PPP6R3: variants seen among roughly 807,000 people sequenced by gnomAD.
PPP6R3 encodes serine/threonine-protein phosphatase 6 regulatory subunit 3.
In PPP6R3, 38 loss-of-function variants were observed where a neutral mutation model predicts 110.7. That is an observed-to-expected ratio of 0.34 (90% CI 0.26 to 0.45). PPP6R3 has a LOEUF of 0.45. Ranked by LOEUF, PPP6R3 falls within the 20% of genes least tolerant of loss-of-function variation. The pLI is 1.00. For missense variants in PPP6R3, 870 were observed against 1,062.4 expected (o/e 0.82, Z 2.52); for synonymous variants, 369 against 373.5 (o/e 0.99, Z 0.14).
chr11:68,486,406 C>G (rs1046068757), intron 1 of PPP6R3, among the ~76,000 whole-genome samples: 1 of 151,922 alleles, frequency 6.6e-6, no homozygotes, highest in African/African-American at 2.4e-5. Flanking sequence ...GAGATCAAGA[C>G]CATCCTGGCT....
intron 1 of PPP6R3, among the ~76,000 whole-genome samples, chr11:68,517,938 C>CA (rs34246025): frequency 0.31 from 39,485 of 127,888 alleles, 5,568 homozygotes; most frequent in Middle Eastern, 0.37. Flanking sequence ...ACCCTGTCTT[C>CA]AAAAAAAAAA....
chr11:68,529,224 G>T (rs1024162968), intron 2 of PPP6R3, among the ~76,000 whole-genome samples: 21 of 152,170 alleles, frequency 1.4e-4, no homozygotes, highest in Non-Finnish European at 2.4e-4. Context: ...GGGTGTGTGT[G>T]TGTGTGTTTT....
At chr11:68,493,295 A>G (rs1371428969) in intron 1 of PPP6R3, among the ~76,000 whole-genome samples, 2 of 152,164 alleles carry the variant, frequency 1.3e-5, no homozygotes, top group Non-Finnish European at 2.9e-5. Context: ...TGTAATGTTT[A>G]TATTACAGTA....
rs141424815 is a variant in PPP6R3 at position 68,498,993 on chromosome 11, G to T, written c.-157-20508G>T. On this transcript the variant is annotated intron_variant, in intron 1 of 23. Coordinates refer to ENST00000393800, the MANE Select transcript of PPP6R3 (RefSeq NM_001164161.2). Reference sequence around the variant, plus strand: ...TCATCCTTTTCATTTTAGCCATGCTGGTAGCTGTGTAGAGATGTCTTACTT... The same window carrying T: ...TCATCCTTTTCATTTTAGCCATGCTTGTAGCTGTGTAGAGATGTCTTACTT... Among the ~76,000 whole-genome samples the T allele has an allele frequency of 3.9e-4, 60 of 152,270 alleles. 1 individual carries two copies. The East Asian group carries it at 0.011, about 27-fold the overall frequency.
At chr11:68,594,265 G>A (rs972585258) in intron 18 of PPP6R3, among the ~76,000 whole-genome samples, 2 of 136,954 alleles carry the variant, frequency 1.5e-5, no homozygotes, top group Admixed American at 7.3e-5. Context: ...TAAAAAAGGG[G>A]GAGAGAGAGA....
intron 7 of PPP6R3, among the ~76,000 whole-genome samples, chr11:68,556,067 A>G (rs1478902269): frequency 1.3e-5 from 2 of 152,230 alleles, no homozygotes; most frequent in Non-Finnish European, 2.9e-5. Context: ...CTATTTGATA[A>G]ATCATAGTTA....
chr11:68,550,483 T>G (rs1329698103), intron 5 of PPP6R3, among the ~76,000 whole-genome samples: 1 of 152,206 alleles, frequency 6.6e-6, no homozygotes, highest in Non-Finnish European at 1.5e-5. Flanking sequence ...ATTTTTCCTT[T>G]ATTTTTTCTG....
intron 3 of PPP6R3, among the ~76,000 whole-genome samples, chr11:68,543,393 T>C (rs900389164): frequency 7.2e-6 from 1 of 138,136 alleles, no homozygotes; most frequent in Admixed American, 7.7e-5. Context: ...CCCATACATC[T>C]GCCAGGTCTG....
At chr11:68,612,941 A>AAACTT (rs1401188041) in intron 23 of PPP6R3, 125 bp from the exon 24 acceptor site, 10 of 1,500,170 alleles carry the variant, frequency 6.7e-6, no homozygotes, top group African/African-American at 5.7e-5. Context: ...ATTTTATTAA[A>AAACTT]AACTTACTAA....
chr11:68,600,458 G>T lies in PPP6R3; in HGVS notation c.2156G>T (p.Gly719Val). 1 of 1,614,094 alleles carries T rather than the reference G, an allele frequency of 6.2e-7. No individual in the cohort carries two copies. The highest frequency in any genetic ancestry group is 8.5e-7 in the Non-Finnish European group (1 of 1,180,010). ...GAGCCGATGCCAACTAAAGAGACGG[G>T]CTGGGCTTCTTTTTCAGAGTTCACG... Reference protein sequence around the residue: ...TEEPMPTKETGWASFSEFTSS... With the variant: ...TEEPMPTKETVWASFSEFTSS... Residue 719 changes from glycine to valine, a missense_variant, in exon 20 of 24, where the codon GGC (glycine) becomes GTC (valine). By Grantham distance (109) the Gly-to-Val change is moderately radical. Transcript: ENST00000393800.
intron 23 of PPP6R3, among the ~76,000 whole-genome samples, chr11:68,611,509 T>C (rs1943378018): frequency 6.6e-6 from 1 of 152,130 alleles, no homozygotes; most frequent in Non-Finnish European, 1.5e-5. Context: ...GAGGAAAAGA[T>C]GGGGTCAGCC....
intron 14 of PPP6R3, among the ~76,000 whole-genome samples, chr11:68,579,375 C>A (rs769581324): frequency 1.3e-5 from 2 of 152,124 alleles, no homozygotes; most frequent in African/African-American, 4.8e-5. Flanking sequence ...GTTAACAAAA[C>A]GAAAATTTTA....
chr11:68,569,960 CTG>C (rs1210894623), intron 11 of PPP6R3, 63 bp downstream of exon 11: 1 of 1,469,036 alleles, frequency 6.8e-7, no homozygotes, highest in African/African-American at 1.4e-5. Flanking sequence ...TTCCACTTGA[CTG>C]TGATGTGAAT....
chr11:68,506,774 ATAACCATT>A (rs2099080664), intron 1 of PPP6R3, among the ~76,000 whole-genome samples: 2 of 152,214 alleles, frequency 1.3e-5, no homozygotes, highest in African/African-American at 4.8e-5. Context: ...ATCTCAGATA[ATAACCATT>A]TGATTGCCAA....
At chr11:68,490,261 C>G (rs933235498) in intron 1 of PPP6R3, among the ~76,000 whole-genome samples, 1 of 152,166 alleles carries the variant, frequency 6.6e-6, no homozygotes, top group African/African-American at 2.4e-5. Flanking sequence ...TCATTCTACT[C>G]TTTCCTGCTT....
At chr11:68,561,548 T>C (rs775720973) in intron 8 of PPP6R3, among the ~76,000 whole-genome samples, 44 of 152,224 alleles carry the variant, frequency 2.9e-4, no homozygotes, top group Non-Finnish European at 6.0e-4. Flanking sequence ...CAGTATATTG[T>C]AAGGATAATA....
At chr11:68,535,428 A>T (rs991487360) in intron 2 of PPP6R3, 2 of 152,164 alleles carry the variant, frequency 1.3e-5, no homozygotes, top group African/African-American at 4.8e-5. Flanking sequence ...TGTGCTGAAC[A>T]TCAGTCCTCC....
chr11:68,585,155 G>A (rs531768031), intron 15 of PPP6R3, among the ~76,000 whole-genome samples: 1 of 152,296 alleles, frequency 6.6e-6, no homozygotes, highest in South Asian at 2.1e-4. Flanking sequence ...CTGCCCATTT[G>A]CTTCTCCCTT....
intron 15 of PPP6R3, among the ~76,000 whole-genome samples, chr11:68,584,115 C>G (rs866467846): frequency 6.6e-6 from 1 of 152,216 alleles, no homozygotes; most frequent in African/African-American, 2.4e-5. Flanking sequence ...CAGCATTTGG[C>G]TGACTTCTCT....
Sources: allele counts gnomAD v4.1 joint callset (sites outside exome capture counted in the v4.1 genomes callset), GRCh38; gene constraint gnomAD v4.1.1; transcripts MANE v1.5; gene names NCBI Gene and HGNC (gene_info 2026-07-23, HGNC 2026-07-21).